The following CDK13 variants were observed in gnomAD, a reference collection of about 807,000 sequenced individuals.
CDK13 encodes cyclin dependent kinase 13, also known as cyclin-dependent kinase 13.
A neutral mutation model predicts 137.6 loss-of-function variants in CDK13; 40 were observed. The ratio of observed to expected loss-of-function variants is 0.29; its 90% CI spans 0.23 to 0.38. The LOEUF is 0.38. CDK13 is among the 10% of genes least tolerant of loss of function. The pLI is 1.00. For synonymous variants in CDK13, 869 were observed against 760.1 expected (o/e 1.14, Z -2.36); for missense variants, 1,704 against 1,951.8 (o/e 0.87, Z 2.39).
intron 5 of CDK13, among the ~76,000 whole-genome samples, chr7:40,018,065 C>T (rs550725667): frequency 6.6e-6 from 1 of 151,758 alleles, no homozygotes; most frequent in African/African-American, 2.4e-5. Context: ...AGATCGCCTT[C>T]TCTTTCCCCT....
intron 7 of CDK13, among the ~76,000 whole-genome samples, chr7:40,058,303 G>A (rs1055926322): frequency 6.6e-6 from 1 of 152,108 alleles, no homozygotes; most frequent in African/African-American, 2.4e-5. Flanking sequence ...AATTTTATTT[G>A]ATTGCAGTGG....
At chr7:39,990,988 T>C (rs1308694799) in intron 2 of CDK13, among the ~76,000 whole-genome samples, 1 of 152,232 alleles carries the variant, frequency 6.6e-6, no homozygotes, top group Non-Finnish European at 1.5e-5. Context: ...GTGTAACATG[T>C]AGATCCGGTG....
intron 1 of CDK13, among the ~76,000 whole-genome samples, chr7:39,983,160 G>A (rs1456049542): frequency 2.0e-5 from 3 of 152,134 alleles, no homozygotes; most frequent in Admixed American, 6.6e-5. Flanking sequence ...TAGGTATAAC[G>A]TTTAAGTCTT....
chr7:40,046,145 C>A, intron 6 of CDK13, 120 bp downstream of exon 6: 1 of 646,106 alleles, frequency 1.5e-6, no homozygotes, highest in Admixed American at 2.7e-5. Flanking sequence ...TTGAAAGTTA[C>A]CTATTAGGTA....
intron 11 of CDK13, among the ~76,000 whole-genome samples, chr7:40,079,236 T>G (rs1786612012): frequency 6.6e-6 from 1 of 152,142 alleles, no homozygotes; most frequent in Non-Finnish European, 1.5e-5. Context: ...CTGGCCAACA[T>G]GGCAAAACCC....
At chr7:40,003,198 ACACACACACTCT>A (rs1470835905) in intron 5 of CDK13, among the ~76,000 whole-genome samples, 525 of 89,418 alleles carry the variant, frequency 5.9e-3, no homozygotes, top group South Asian at 0.011. Context: ...ACACACACAC[ACACACACACTCT>A]CTCTCTCTCT....
rs117047683 is a variant in CDK13, at chr7:39,981,326, G to A, written c.1212-6273G>A. ...CAAGGCTGCAGTGAGCCTTGTTTGC[G>A]CCACTGCACTCCAGCCTGTGCGAAA... On this transcript the variant is annotated intron_variant, in intron 1 of 13. Transcript: ENST00000181839. Among the ~76,000 whole-genome samples the A allele has an allele frequency of 1.0e-3, 159 of 151,492 alleles. 5 individuals are homozygous for A. The East Asian group carries it at 0.028, about 27-fold the overall frequency.
At chr7:39,988,344 C>A in intron 2 of CDK13, 86 bp downstream of exon 2, 1 of 933,966 alleles carries the variant, frequency 1.1e-6, no homozygotes, top group Admixed American at 2.8e-5. Context: ...CCCTAACCCC[C>A]TCGAAACAAC....
intron 1 of CDK13, among the ~76,000 whole-genome samples, chr7:39,980,471 A>G (rs1412095201): frequency 1.3e-5 from 2 of 152,218 alleles, no homozygotes; most frequent in Admixed American, 1.3e-4. Flanking sequence ...CAAAATACAC[A>G]GGATCATCAC....
At chr7:40,067,777 C>T (rs1488874215) in intron 9 of CDK13, 2 of 151,058 alleles carry the variant, frequency 1.3e-5, no homozygotes, top group Non-Finnish European at 2.9e-5. Flanking sequence ...TGGTGAACGC[C>T]CCCATCCCCC....
intron 1 of CDK13, among the ~76,000 whole-genome samples, chr7:39,966,925 C>T (rs1256112159): frequency 2.0e-5 from 3 of 152,096 alleles, no homozygotes; most frequent in East Asian, 1.9e-4. Flanking sequence ...TGCAGACCAG[C>T]GGATATTGTT....
chr7:39,965,808 G>A (rs944057261), intron 1 of CDK13, among the ~76,000 whole-genome samples: 2 of 152,256 alleles, frequency 1.3e-5, no homozygotes, highest in South Asian at 2.1e-4. Context: ...TGTAGGGCAG[G>A]CCTGGTGGTG....
At chr7:39,970,297 G>T (rs567840436) in intron 1 of CDK13, among the ~76,000 whole-genome samples, 3 of 151,414 alleles carry the variant, frequency 2.0e-5, no homozygotes, top group Non-Finnish European at 4.4e-5. Flanking sequence ...CACTGTGTTC[G>T]GCCAGATTTA....
At chr7:39,953,026 T>G (rs1251580515) in intron 1 of CDK13, 1 of 152,194 alleles carries the variant, frequency 6.6e-6, no homozygotes, top group Non-Finnish European at 1.5e-5. Context: ...GTTTCAGTAA[T>G]GGCAAGTGGA....
intron 6 of CDK13, 109 bp downstream of exon 6, chr7:40,046,134 G>A (rs1785734355): frequency 1.1e-5 from 8 of 703,082 alleles, no homozygotes; most frequent in Non-Finnish European, 1.4e-5. Context: ...GGTGGTGAGC[G>A]TTGAAAGTTA....
chr7:39,991,667 C>A (rs2116284897), intron 2 of CDK13, among the ~76,000 whole-genome samples: 1 of 152,162 alleles, frequency 6.6e-6, no homozygotes, highest in Non-Finnish European at 1.5e-5. Flanking sequence ...AATAATAATA[C>A]AATTAGCATC....
At chr7:39,980,879 C>T (rs1784209780) in intron 1 of CDK13, among the ~76,000 whole-genome samples, 1 of 152,174 alleles carries the variant, frequency 6.6e-6, no homozygotes, top group African/African-American at 2.4e-5. Flanking sequence ...ACAACGAGCA[C>T]TAACCAGTTG....
At chr7:40,024,126 T>C (rs945809320) in intron 5 of CDK13, among the ~76,000 whole-genome samples, 1 of 152,200 alleles carries the variant, frequency 6.6e-6, no homozygotes, top group African/African-American at 2.4e-5. Context: ...CTTTCCTACT[T>C]GAAGCAGATT....
intron 5 of CDK13, among the ~76,000 whole-genome samples, chr7:40,043,893 G>A (rs1378040964): frequency 7.1e-6 from 1 of 140,678 alleles, no homozygotes; most frequent in Non-Finnish European, 1.5e-5. Flanking sequence ...AATGAATTTT[G>A]TATAATTTTT....
Sources: allele counts gnomAD v4.1 joint callset (sites outside exome capture counted in the v4.1 genomes callset), GRCh38; gene constraint gnomAD v4.1.1; transcripts MANE v1.5; gene names NCBI Gene and HGNC (gene_info 2026-07-23, HGNC 2026-07-21).